NELL1: variants seen among roughly 807,000 people sequenced by gnomAD.
The protein encoded by NELL1 is protein kinase C-binding protein NELL1.
A neutral mutation model predicts 107.4 loss-of-function variants in NELL1; 76 were observed. That is an observed-to-expected ratio of 0.71 (90% CI 0.59 to 0.86). The LOEUF is 0.86. NELL1 is among the 40% of genes least tolerant of loss of function. The pLI, the probability that NELL1 is intolerant of heterozygous loss-of-function variation, is 0.00. For missense variants in NELL1, 1,024 were observed against 1,005.5 expected (o/e 1.02, Z -0.25); for synonymous variants, 353 against 341.2 (o/e 1.03, Z -0.38).
At chr11:21,230,040 C>G (rs1199506045) in intron 14 of NELL1, among the ~76,000 whole-genome samples, 2 of 152,154 alleles carry the variant, frequency 1.3e-5, no homozygotes. Context: ...TACTGGGTCC[C>G]TGTTATTCCT....
At chr11:21,336,800 CTGA>C (rs1481423677) in intron 14 of NELL1, among the ~76,000 whole-genome samples, 1 of 151,466 alleles carries the variant, frequency 6.6e-6, no homozygotes, top group Non-Finnish European at 1.5e-5. Context: ...ATTCTAATTA[CTGA>C]AGTTATTATA....
chr11:20,864,692 T>C (rs72937236), intron 4 of NELL1, among the ~76,000 whole-genome samples: 1 of 152,210 alleles, frequency 6.6e-6, no homozygotes, highest in African/African-American at 2.4e-5. Flanking sequence ...ACACAGGTCT[T>C]CCTTATACAT....
Position 21,387,606 on chromosome 11 carries a change from C to T in NELL1, c.1645+16658C>T, listed in dbSNP as rs12279796. On this transcript the variant is annotated intron_variant, in intron 15 of 19. Transcript: ENST00000357134. ...TTGAACAGCTCTTTGTGCCTCAAAG[C>T]TCAGGCTTTTAAAAACTTCCTTTAC... Among the ~76,000 whole-genome samples, 1,287 of 151,934 alleles carry T rather than the reference C, an allele frequency of 8.5e-3. 14 individuals carry two copies. Among genetic ancestry groups the T allele is most frequent in the African/African-American group, 0.029 (1,207 of 41,490 alleles).
chr11:20,961,256 A>G (rs561301353), intron 12 of NELL1, among the ~76,000 whole-genome samples: 1 of 152,254 alleles, frequency 6.6e-6, no homozygotes, highest in East Asian at 1.9e-4. Flanking sequence ...TATATCTATT[A>G]CCTTAACATG....
intron 16 of NELL1, among the ~76,000 whole-genome samples, chr11:21,541,029 G>T (rs1256023795): frequency 6.6e-6 from 1 of 152,068 alleles, no homozygotes; most frequent in Non-Finnish European, 1.5e-5. Flanking sequence ...GATTAGACTT[G>T]TGTTCTTAAT....
At chr11:20,969,633 C>T (rs1475065768) in intron 12 of NELL1, among the ~76,000 whole-genome samples, 1 of 150,856 alleles carries the variant, frequency 6.6e-6, no homozygotes, top group Non-Finnish European at 1.5e-5. Flanking sequence ...CATTTTTTTC[C>T]CCTGACAACT....
At chr11:21,076,025 G>A (rs992810051) in intron 12 of NELL1, among the ~76,000 whole-genome samples, 1 of 152,088 alleles carries the variant, frequency 6.6e-6, no homozygotes, top group Non-Finnish European at 1.5e-5. Flanking sequence ...ATACATAACT[G>A]GACATTTTAA....
chr11:20,782,555 C>T lies in NELL1; in HGVS notation c.185-1125C>T, dbSNP rs184525753. 4.4e-3 allele frequency among the ~76,000 whole-genome samples: 670 copies of T among 152,284 alleles called. 7 individuals carry two copies. The highest frequency in any genetic ancestry group is 0.017 in the Middle Eastern group (5 of 294). On this transcript the variant is annotated intron_variant, in intron 2 of 19. Coordinates refer to ENST00000357134, the MANE Select transcript of NELL1 (RefSeq NM_006157.5). Reference sequence around the variant, plus strand: ...GTCAAGAATTGAAGGATATCTTATTCAGAAGCCATTCTTTAGGATGAGATT... The same window carrying T: ...GTCAAGAATTGAAGGATATCTTATTTAGAAGCCATTCTTTAGGATGAGATT...
chr11:21,321,081 T>G, intron 14 of NELL1, among the ~76,000 whole-genome samples: 1 of 152,228 alleles, frequency 6.6e-6, no homozygotes, highest in East Asian at 1.9e-4. Context: ...GTTTTAGAAC[T>G]CTTTCTTCAT....
rs1347497782 is a variant in NELL1, at chr11:21,166,289, A to G, written c.1426+52575A>G. Among the ~76,000 whole-genome samples, 2 of 151,802 alleles carry G rather than the reference A, an allele frequency of 1.3e-5. 1 individual carries two copies. The highest frequency in any genetic ancestry group is 4.9e-5 in the African/African-American group (2 of 41,114). On this transcript the variant is annotated intron_variant, in intron 13 of 19. Coordinates refer to ENST00000357134, the MANE Select transcript of NELL1 (RefSeq NM_006157.5). ...GATGGTTATATTAATGGGTACAAAA[A>G]AGTAGTTGGAAAGAATAAATAAGAT...
chr11:21,277,503 G>A (rs1450007105), intron 14 of NELL1, among the ~76,000 whole-genome samples: 1 of 151,800 alleles, frequency 6.6e-6, no homozygotes, highest in Admixed American at 6.6e-5. Context: ...ATTCCTCAGG[G>A]ATCTAGAACT....
chr11:21,045,233 G>A (rs1428325903), intron 12 of NELL1, among the ~76,000 whole-genome samples: 4 of 152,148 alleles, frequency 2.6e-5, no homozygotes, highest in East Asian at 3.9e-4. Flanking sequence ...ATTTTGAATC[G>A]TAAAAGGTTT....
chr11:21,386,421 G>A (rs7110025), intron 15 of NELL1, among the ~76,000 whole-genome samples: 101,751 of 151,542 alleles, frequency 0.67, 34,457 homozygotes, highest in African/African-American at 0.77. Flanking sequence ...AAACTAGATG[G>A]TTCATTTCAG....
chr11:21,518,861 A>C (rs1384120781), intron 15 of NELL1, among the ~76,000 whole-genome samples: 1 of 152,346 alleles, frequency 6.6e-6, no homozygotes, highest in African/African-American at 2.4e-5. Context: ...AGATAAAAAT[A>C]TTCCATTGGT....
chr11:21,057,890 A>T (rs1001591729), intron 12 of NELL1, among the ~76,000 whole-genome samples: 4 of 152,154 alleles, frequency 2.6e-5, no homozygotes, highest in African/African-American at 9.6e-5. Flanking sequence ...AAACATGCTT[A>T]CATGGTTTAA....
chr11:21,097,555 G>A (rs755920059), intron 12 of NELL1, among the ~76,000 whole-genome samples: 2 of 152,144 alleles, frequency 1.3e-5, no homozygotes, highest in Non-Finnish European at 2.9e-5. Flanking sequence ...GAGGTACAGA[G>A]GTGGAGTGTG....
chr11:20,741,910 A>G (rs957328548), intron 2 of NELL1, among the ~76,000 whole-genome samples: 1 of 152,234 alleles, frequency 6.6e-6, no homozygotes, highest in Non-Finnish European at 1.5e-5. Flanking sequence ...TAATGTGTAT[A>G]TGAACCTTTC....
Position 21,014,697 on chromosome 11 carries a change from A to G in NELL1, c.1300+54137A>G, listed in dbSNP as rs114103217. 6.6e-3 allele frequency among the ~76,000 whole-genome samples: 1,009 copies of G among 152,240 alleles called. 8 individuals carry two copies. The highest frequency in any genetic ancestry group is 0.023 in the African/African-American group (965 of 41,560). On this transcript the variant is annotated intron_variant, in intron 12 of 19. Coordinates refer to ENST00000357134, the MANE Select transcript of NELL1 (RefSeq NM_006157.5). ...CATATTTGTAAACCCAGTGTCTAAC[A>G]TGGTGCTATGTTAGCTGCCCAATAA...
intron 13 of NELL1, among the ~76,000 whole-genome samples, chr11:21,218,100 A>C (rs1857662100): frequency 6.6e-6 from 1 of 152,156 alleles, no homozygotes; most frequent in Non-Finnish European, 1.5e-5. Context: ...TGTCCTGATA[A>C]GTTGGATATT....
Sources: allele counts gnomAD v4.1 joint callset (sites outside exome capture counted in the v4.1 genomes callset), GRCh38; gene constraint gnomAD v4.1.1; transcripts MANE v1.5; gene names NCBI Gene and HGNC (gene_info 2026-07-23, HGNC 2026-07-21).